PTPRE: variants seen among roughly 807,000 people sequenced by gnomAD.
The protein encoded by PTPRE is protein tyrosine phosphatase receptor type E.
PTPRE carries 51 observed loss-of-function variants against 102.0 expected under a neutral mutation model. The observed-to-expected ratio is 0.50, with a 90% CI of 0.40 to 0.63. The LOEUF (loss-of-function observed/expected upper bound fraction) is 0.63. PTPRE is among the 30% of genes least tolerant of loss of function. The pLI, the probability that PTPRE is intolerant of heterozygous loss-of-function variation, is 0.00. For missense variants in PTPRE, 752 were observed against 915.1 expected, an observed-to-expected ratio of 0.82 and a Z score of 2.30; for synonymous variants, 345 against 348.2, an observed-to-expected ratio of 0.99 and a Z score of 0.10.
At chr10:127,990,223 C>T (rs547088278) in intron 2 of PTPRE, among the ~76,000 whole-genome samples, 1 of 151,676 alleles carries the variant, frequency 6.6e-6, no homozygotes, top group African/African-American at 2.4e-5. Flanking sequence ...AGCAGCCTGG[C>T]CAGTATGGTA....
At chr10:127,968,072 T>C (rs927654060) in intron 1 of PTPRE, among the ~76,000 whole-genome samples, 2 of 150,468 alleles carry the variant, frequency 1.3e-5, no homozygotes. Flanking sequence ...CACACAGTTG[T>C]CTTAGCCGTC....
chr10:128,030,759 C>T (rs996981739), intron 2 of PTPRE, among the ~76,000 whole-genome samples: 2 of 152,126 alleles, frequency 1.3e-5, no homozygotes, highest in South Asian at 2.1e-4. Flanking sequence ...CCTGGTCGCC[C>T]GCGTCCTATT....
Position 128,082,869 on chromosome 10 carries a change from T to G in PTPRE, c.2066T>G (p.Phe689Cys). 1 of 1,555,280 alleles carries G rather than the reference T, an allele frequency of 6.4e-7. No individual in the cohort carries two copies. The highest frequency in any genetic ancestry group is 8.6e-7 in the Non-Finnish European group (1 of 1,160,244). ...TTCTGCTACAAAGTGGTACAAGATT[T>G]TATTGATATATTTTCTGATTATGCT... ...YEFCYKVVQD[F>C]IDIFSDYANF... Residue 689 changes from phenylalanine (F) to cysteine (C), a missense_variant, in exon 21 of 21, where the codon TTT (phenylalanine) becomes TGT (cysteine). Transcript: ENST00000254667.
At chr10:127,938,149 G>A (rs1420696319) in intron 1 of PTPRE, among the ~76,000 whole-genome samples, 1 of 152,138 alleles carries the variant, frequency 6.6e-6, no homozygotes, top group Non-Finnish European at 1.5e-5. Context: ...GTGTACTGGG[G>A]ACCCAGTTTC....
Position 128,062,838 on chromosome 10 carries a change from G to A in PTPRE, c.626-245G>A, listed in dbSNP as rs781715860. ...TGAACCCTGCTTCTTACCTGTGAAC[G>A]TCATAACTCAACCTGGGCCCAATTA... On this transcript the variant is annotated intron_variant, in intron 9 of 20. Transcript: ENST00000254667. The A allele has an allele frequency of 4.1e-5, 23 of 566,254 alleles. No individual in the cohort carries two copies. The Middle Eastern group carries it at 1.5e-3, about 36-fold the overall frequency. The allele number at this position is 566,254 out of a possible 1,614,324, so 35.1% of individuals were successfully genotyped here. A position where few individuals can be genotyped will look rare whatever the true frequency, so the allele number is the denominator to read the frequency against.
intron 7 of PTPRE, among the ~76,000 whole-genome samples, chr10:128,058,682 A>C (rs1484695110): frequency 6.6e-6 from 1 of 152,144 alleles, no homozygotes; most frequent in Non-Finnish European, 1.5e-5. Flanking sequence ...GTGACAGCCC[A>C]TAGTATCACT....
chr10:127,954,571 C>A (rs1486708060), intron 1 of PTPRE, among the ~76,000 whole-genome samples: 1 of 152,138 alleles, frequency 6.6e-6, no homozygotes, highest in African/African-American at 2.4e-5. Flanking sequence ...TCGTGGAATT[C>A]ACTAGTCTTA....
chr10:127,923,142 T>C (rs1846728543), intron 1 of PTPRE, among the ~76,000 whole-genome samples: 1 of 152,262 alleles, frequency 6.6e-6, no homozygotes, highest in South Asian at 2.1e-4. Context: ...TGCCATTCTT[T>C]TGACATGAGT....
chr10:128,031,294 G>A (rs534690777), intron 2 of PTPRE, among the ~76,000 whole-genome samples: 1 of 152,308 alleles, frequency 6.6e-6, no homozygotes, highest in Admixed American at 6.5e-5. Flanking sequence ...CGAGGCCTGG[G>A]GTGCAGCTGG....
intron 1 of PTPRE, among the ~76,000 whole-genome samples, chr10:127,957,695 C>G (rs1849505529): frequency 6.6e-6 from 1 of 152,170 alleles, no homozygotes; most frequent in East Asian, 1.9e-4. Flanking sequence ...TCTTTTGCCT[C>G]TCTGTATAAA....
At chr10:127,960,914 A>C (rs3932546) in intron 1 of PTPRE, among the ~76,000 whole-genome samples, 2,150 of 151,552 alleles carry the variant, frequency 0.014, 54 homozygotes, top group African/African-American at 0.05. Flanking sequence ...CCAGCTACTC[A>C]GGAGGCTGAG....
At chr10:127,960,882 G>A (rs545751447) in intron 1 of PTPRE, among the ~76,000 whole-genome samples, 22 of 152,158 alleles carry the variant, frequency 1.4e-4, no homozygotes, top group East Asian at 9.7e-4. Context: ...TTAGCCGGGC[G>A]TGGTGGTGGT....
At position 128,060,997 on chromosome 10, in the gene PTPRE, C is replaced by T; in HGVS notation, c.570C>T (p.Ile190=). 6.2e-7 allele frequency: 1 copy of T among 1,614,134 alleles called. No homozygotes were observed. Among genetic ancestry groups the T allele is most frequent in the South Asian group, 1.1e-5 (1 of 91,074 alleles). ...QLDGIPCSDY[I]NASYIDGYKE... is the part of the protein sequence containing the mutation. ...ATGGAATTCCCTGTTCAGACTACAT[C>T]AATGCTTCCTACATAGATGTAAGTG... Residue 190 remains isoleucine (I), a synonymous_variant, in exon 8 of 21, where the codon ATC becomes ATT. Coordinates refer to ENST00000254667, the MANE Select transcript of PTPRE (RefSeq NM_006504.6).
At chr10:127,978,670 C>T (rs1349916295) in intron 1 of PTPRE, among the ~76,000 whole-genome samples, 1 of 152,188 alleles carries the variant, frequency 6.6e-6, no homozygotes, top group African/African-American at 2.4e-5. Context: ...GCCCTGTCTC[C>T]TCGCTCTGTG....
intron 2 of PTPRE, among the ~76,000 whole-genome samples, chr10:128,020,075 TGC>T (rs1245678850): frequency 3.5e-5 from 5 of 144,262 alleles, no homozygotes; most frequent in Non-Finnish European, 7.7e-5. Context: ...TGTGTGTGTG[TGC>T]GTGCACATGC....
intron 2 of PTPRE, among the ~76,000 whole-genome samples, chr10:128,031,542 GT>G (rs1443703438): frequency 6.6e-6 from 1 of 152,224 alleles, no homozygotes; most frequent in East Asian, 1.9e-4. Flanking sequence ...CAGTGGTTCT[GT>G]TTCCTATATT....
At chr10:127,953,393 C>T (rs1269142441) in intron 1 of PTPRE, among the ~76,000 whole-genome samples, 1 of 152,198 alleles carries the variant, frequency 6.6e-6, no homozygotes, top group Non-Finnish European at 1.5e-5. Context: ...CAACTCTTGG[C>T]CTGCTGCTAT....
In PTPRE at chr10:128,084,303, C is replaced by T. The variant is rs1435891056; in HGVS notation, c.*1397C>T. ...GCATTTAACACGTGCATTTTTGGTACTTTTTTTTTTGTTTTCTAAAAGCTA... is the reference window on the plus strand; with the variant it reads ...GCATTTAACACGTGCATTTTTGGTATTTTTTTTTTTGTTTTCTAAAAGCTA... On this transcript the variant is annotated 3_prime_UTR_variant, in exon 21 of 21. Coordinates refer to ENST00000254667, the MANE Select transcript of PTPRE (RefSeq NM_006504.6). 1 of 151,150 alleles carries T rather than the reference C, an allele frequency of 6.6e-6. No individual in the cohort carries two copies. The highest frequency in any genetic ancestry group is 2.4e-5 in the African/African-American group (1 of 41,136). 9.4% of individuals were successfully genotyped at this position (151,150 alleles called of 1,614,324 possible).
intron 2 of PTPRE, among the ~76,000 whole-genome samples, chr10:127,997,217 G>A (rs1189790310): frequency 6.6e-6 from 1 of 152,134 alleles, no homozygotes; most frequent in Non-Finnish European, 1.5e-5. Flanking sequence ...ATCAAACCCA[G>A]CTCTTAAGAG....
Sources: allele counts gnomAD v4.1 joint callset (sites outside exome capture counted in the v4.1 genomes callset), GRCh38; gene constraint gnomAD v4.1.1; transcripts MANE v1.5; gene names NCBI Gene and HGNC (gene_info 2026-07-23, HGNC 2026-07-21).